Variants in TNNI3K observed in about 807,000 individuals in gnomAD.
TNNI3K encodes the protein serine/threonine-protein kinase TNNI3K.
Under a neutral mutation model 114.5 loss-of-function variants are expected in TNNI3K, and 140 were observed. That is an observed-to-expected ratio of 1.22 (90% CI 1.07 to 1.41). The LOEUF (loss-of-function observed/expected upper bound fraction) is 1.41, where lower values mean the gene tolerates loss of function less well. Among genes scored for constraint, TNNI3K ranks in the 40% most tolerant of loss-of-function variants. The pLI is 0.00. For missense variants in TNNI3K, 1,125 were observed against 1,007.6 expected, an observed-to-expected ratio of 1.12 and a Z score of -1.58; for synonymous variants, 347 against 347.5, an observed-to-expected ratio of 1.00 and a Z score of 0.02.
intron 5 of TNNI3K, among the ~76,000 whole-genome samples, chr1:74,283,439 G>T (rs1183719758): frequency 6.6e-6 from 1 of 152,126 alleles, no homozygotes; most frequent in Non-Finnish European, 1.5e-5. Context: ...ACGCTAGCTT[G>T]TCAATTTCTT....
chr1:74,436,202 T>C (rs1221591701), intron 18 of TNNI3K, 70 bp downstream of exon 18: 2 of 1,586,512 alleles, frequency 1.3e-6, no homozygotes, highest in East Asian at 2.2e-5. Context: ...CCTGATATTG[T>C]ACCATGAAAC....
chr1:74,393,342 T>C (rs1231214518), intron 17 of TNNI3K, among the ~76,000 whole-genome samples: 1 of 152,168 alleles, frequency 6.6e-6, no homozygotes, highest in African/African-American at 2.4e-5. Context: ...GCATTTTCTT[T>C]GTATCAGCAT....
chr1:74,468,292 G>C (rs1667762877), intron 21 of TNNI3K: 1 of 151,838 alleles, frequency 6.6e-6, no homozygotes, highest in African/African-American at 2.4e-5. Flanking sequence ...AAGAAAGATA[G>C]CTACCAAGAA....
intron 10 of TNNI3K, 74 bp downstream of exon 10, chr1:74,353,434 G>A: frequency 2.6e-6 from 4 of 1,545,616 alleles, no homozygotes; most frequent in South Asian, 1.2e-5. Flanking sequence ...GCAAAGGGAT[G>A]TGGGGGCATT....
At chr1:74,452,318 G>A (rs1343595076) in intron 20 of TNNI3K, among the ~76,000 whole-genome samples, 2 of 152,118 alleles carry the variant, frequency 1.3e-5, no homozygotes, top group Non-Finnish European at 2.9e-5. Context: ...ACTGTAAGGT[G>A]CAAGATTAGG....
At chr1:74,294,450 T>C (rs1657860178) in intron 5 of TNNI3K, among the ~76,000 whole-genome samples, 1 of 152,070 alleles carries the variant, frequency 6.6e-6, no homozygotes, top group Non-Finnish European at 1.5e-5. Context: ...TGACACTGGC[T>C]CAGGGTGCAT....
chr1:74,286,837 AATTAG>A (rs1657361862), intron 5 of TNNI3K, among the ~76,000 whole-genome samples: 4 of 152,098 alleles, frequency 2.6e-5, no homozygotes, highest in African/African-American at 9.7e-5. Flanking sequence ...GATCACAAAT[AATTAG>A]GGAAACATGA....
intron 7 of TNNI3K, among the ~76,000 whole-genome samples, chr1:74,336,695 G>T (rs1359253734): frequency 3.3e-5 from 5 of 151,164 alleles, no homozygotes; most frequent in African/African-American, 1.2e-4. Context: ...ATTTTTTATG[G>T]CTGCATAGTA....
rs149545276 is a variant in TNNI3K at position 74,331,935 on chromosome 1, A to G, written c.543+387A>G. Among the ~76,000 whole-genome samples the G allele has an allele frequency of 2.6e-3, 402 of 152,294 alleles. 2 individuals are homozygous for G. Among genetic ancestry groups the G allele is most frequent in the African/African-American group, 9.0e-3 (374 of 41,572 alleles). ...CCTCATAGGGTTGCTGTTAGGATGCAATATAAATTGTTTGGAAAATGCTCA... is the reference window on the plus strand; with the variant it reads ...CCTCATAGGGTTGCTGTTAGGATGCGATATAAATTGTTTGGAAAATGCTCA... On this transcript the variant is annotated intron_variant, in intron 6 of 24. Transcript: ENST00000326637.
intron 17 of TNNI3K, among the ~76,000 whole-genome samples, chr1:74,376,272 T>C (rs1662899082): frequency 6.6e-6 from 1 of 152,010 alleles, no homozygotes; most frequent in Admixed American, 6.6e-5. Flanking sequence ...AATTCCTGCA[T>C]GTAAAAAAAA....
At chr1:74,475,352 G>T in intron 21 of TNNI3K, 1 of 714,368 alleles carries the variant, frequency 1.4e-6, no homozygotes, top group South Asian at 1.5e-5. Context: ...CCAGGCTCAA[G>T]ATTCCATAGC....
At chr1:74,490,050 TAAAAAAA>T (rs36063099) in intron 22 of TNNI3K, among the ~76,000 whole-genome samples, 1 of 42,908 alleles carries the variant, frequency 2.3e-5, no homozygotes, top group East Asian at 7.6e-4. Flanking sequence ...TTTTTTTTTC[TAAAAAAA>T]AAAAAAAAAA....
At chr1:74,292,949 C>T (rs149384648) in intron 5 of TNNI3K, among the ~76,000 whole-genome samples, 16 of 151,722 alleles carry the variant, frequency 1.1e-4, no homozygotes, top group African/African-American at 3.1e-4. Context: ...ACTTCTCTAT[C>T]TCTAGCAATG....
chr1:74,336,765 G>C (rs1291615122), intron 7 of TNNI3K, among the ~76,000 whole-genome samples: 1 of 151,046 alleles, frequency 6.6e-6, no homozygotes, highest in Non-Finnish European at 1.5e-5. Context: ...GGACATTTGG[G>C]TTGGTTCCAA....
intron 23 of TNNI3K, among the ~76,000 whole-genome samples, chr1:74,509,758 T>C (rs1208730677): frequency 2.3e-5 from 3 of 132,172 alleles, no homozygotes; most frequent in Non-Finnish European, 3.2e-5. Context: ...TTTTTTTTTT[T>C]TTTTTTTTTT....
intron 4 of TNNI3K, among the ~76,000 whole-genome samples, chr1:74,253,878 G>A (rs1655116438): frequency 6.6e-6 from 1 of 152,206 alleles, no homozygotes; most frequent in Non-Finnish European, 1.5e-5. Context: ...AGCGAGCGAG[G>A]GCTGCAAGAG....
chr1:74,481,378 C>T (rs1256309111), intron 21 of TNNI3K, among the ~76,000 whole-genome samples: 2 of 152,146 alleles, frequency 1.3e-5, no homozygotes. Flanking sequence ...GTGTCTGACC[C>T]CCATAGTCAG....
At chr1:74,407,454 CG>C (rs557745785) in intron 17 of TNNI3K, among the ~76,000 whole-genome samples, 4,171 of 152,128 alleles carry the variant, frequency 0.027, 181 homozygotes, top group African/African-American at 0.096. Flanking sequence ...ATTATACAAA[CG>C]TTTTTTTATT....
Position 74,467,094 on chromosome 1 carries a change from A to T in TNNI3K, c.2121+3544A>T, listed in dbSNP as rs551505095. ...AGTAACACTTGAGCTGAGGCCATAAACAGTAGTTTTCTGAAAGAAGGCGGC... is the reference window on the plus strand; with the variant it reads ...AGTAACACTTGAGCTGAGGCCATAATCAGTAGTTTTCTGAAAGAAGGCGGC... On this transcript the variant is annotated intron_variant, in intron 21 of 24. Transcript: ENST00000326637. Among the ~76,000 whole-genome samples, 3 of 152,312 alleles carry T rather than the reference A, an allele frequency of 2.0e-5. No homozygotes were observed. The East Asian group carries it at 5.8e-4, about 29-fold the overall frequency.
Sources: gnomAD v4.1 joint callset for allele counts (sites outside exome capture counted in the v4.1 genomes callset) on GRCh38, gnomAD v4.1.1 for gene constraint, MANE v1.5 for transcripts, NCBI Gene and HGNC (gene_info 2026-07-23, HGNC 2026-07-21) for gene names.